Variants in SHLD1 observed in about 807,000 individuals in gnomAD.
SHLD1 encodes the protein shieldin complex subunit 1, also known as RINN1-REV7-interacting novel NHEJ regulator 3.
Under a neutral mutation model 5.5 loss-of-function variants are expected in SHLD1, and 3 were observed. That is an observed-to-expected ratio of 0.54 (90% CI 0.25 to 1.40). The LOEUF is 1.40. Among genes scored for constraint, SHLD1 ranks in the 40% most tolerant of loss-of-function variants. The pLI, the probability that SHLD1 is intolerant of heterozygous loss-of-function variation, is 0.15. For missense variants in SHLD1, 210 were observed against 244.4 expected (o/e 0.86, Z 0.94); for synonymous variants, 92 against 94.3 (o/e 0.98, Z 0.14).
intron 2 of SHLD1, among the ~76,000 whole-genome samples, chr20:5,784,555 A>G (rs1600118663): frequency 6.6e-6 from 1 of 151,852 alleles, no homozygotes; most frequent in East Asian, 1.9e-4. Flanking sequence ...GGTTCACGCC[A>G]TTCTCCTGCC....
At chr20:5,823,309 T>C (rs1011289451) in intron 2 of SHLD1, among the ~76,000 whole-genome samples, 10 of 152,130 alleles carry the variant, frequency 6.6e-5, no homozygotes. Context: ...GTCCCTTTTG[T>C]ATTTTTTTGT....
At chr20:5,800,415 C>T (rs1217414654) in intron 2 of SHLD1, among the ~76,000 whole-genome samples, 3 of 152,100 alleles carry the variant, frequency 2.0e-5, no homozygotes, top group Non-Finnish European at 4.4e-5. Flanking sequence ...TTTATAGGGC[C>T]GGGCGTGGTG....
intron 2 of SHLD1, among the ~76,000 whole-genome samples, chr20:5,793,481 T>C (rs1187991788): frequency 6.6e-6 from 1 of 152,184 alleles, no homozygotes; most frequent in South Asian, 2.1e-4. Context: ...TTTAGATTCC[T>C]ATATAGTCAA....
At chr20:5,752,797 T>G (rs1983838602) in intron 1 of SHLD1, among the ~76,000 whole-genome samples, 1 of 151,810 alleles carries the variant, frequency 6.6e-6, no homozygotes, top group African/African-American at 2.4e-5. Context: ...TGTATTTTGT[T>G]TGTTTGTTTG....
intron 1 of SHLD1, among the ~76,000 whole-genome samples, chr20:5,757,723 C>T (rs1984199522): frequency 6.6e-6 from 1 of 152,010 alleles, no homozygotes; most frequent in Non-Finnish European, 1.5e-5. Context: ...CTGCCTCAGC[C>T]CCCCGAGTAC....
At chr20:5,796,857 G>T (rs544990154) in intron 2 of SHLD1, among the ~76,000 whole-genome samples, 51 of 151,622 alleles carry the variant, frequency 3.4e-4, no homozygotes, top group African/African-American at 4.3e-4. Flanking sequence ...AGGTGGAGAG[G>T]TGAGTTAAAG....
intron 2 of SHLD1, among the ~76,000 whole-genome samples, chr20:5,783,576 G>A (rs4815856): frequency 0.51 from 77,494 of 151,944 alleles, 19,942 homozygotes; most frequent in Non-Finnish European, 0.55. Context: ...TTCAGCTCCA[G>A]AATCGGATTT....
intron 2 of SHLD1, among the ~76,000 whole-genome samples, chr20:5,826,387 G>T (rs923306817): frequency 2.6e-5 from 4 of 151,518 alleles, no homozygotes; most frequent in Non-Finnish European, 5.9e-5. Flanking sequence ...TTGAATGCAA[G>T]GATCCAAATC....
In SHLD1 at chr20:5,826,141, T is replaced by C. The variant is rs4815865; in HGVS notation, c.179-36883T>C. Among the ~76,000 whole-genome samples, 380 of 152,340 alleles carry C rather than the reference T, an allele frequency of 2.5e-3. 2 individuals carry two copies. Among genetic ancestry groups the C allele is most frequent in the Middle Eastern group, 6.8e-3 (2 of 294 alleles). Reference sequence around the variant, plus strand: ...GGTTATTTTTCTGTGCTGTTCAGGTTTTGCTTTTATTTCTCTTTTGTTGGT... The same window carrying C: ...GGTTATTTTTCTGTGCTGTTCAGGTCTTGCTTTTATTTCTCTTTTGTTGGT... On this transcript the variant is annotated intron_variant, in intron 2 of 2. Transcript: ENST00000303142.
intron 2 of SHLD1, among the ~76,000 whole-genome samples, chr20:5,792,905 T>G (rs1258206098): frequency 6.6e-6 from 1 of 151,748 alleles, no homozygotes; most frequent in Non-Finnish European, 1.5e-5. Flanking sequence ...GAACTCCCGA[T>G]GTCAAGTGAT....
chr20:5,858,421 C>T (rs1184246155), intron 2 of SHLD1, among the ~76,000 whole-genome samples: 1 of 152,210 alleles, frequency 6.6e-6, no homozygotes, highest in East Asian at 1.9e-4. Flanking sequence ...AGGCTAATGG[C>T]ATCTCTTGCA....
At chr20:5,823,632 G>C (rs2087633536) in intron 2 of SHLD1, among the ~76,000 whole-genome samples, 1 of 151,890 alleles carries the variant, frequency 6.6e-6, no homozygotes, top group Non-Finnish European at 1.5e-5. Flanking sequence ...ATTTTTAGTA[G>C]AGACAGGGTT....
At chr20:5,853,794 C>T (rs2088043316) in intron 2 of SHLD1, among the ~76,000 whole-genome samples, 1 of 151,726 alleles carries the variant, frequency 6.6e-6, no homozygotes, top group Admixed American at 6.6e-5. Context: ...GCCAGCACTG[C>T]AACCACCTTT....
At chr20:5,831,412 G>C (rs529373956) in intron 2 of SHLD1, among the ~76,000 whole-genome samples, 1 of 152,218 alleles carries the variant, frequency 6.6e-6, no homozygotes, top group South Asian at 2.1e-4. Flanking sequence ...ATAGTTTAGC[G>C]GTTAATACTA....
intron 2 of SHLD1, among the ~76,000 whole-genome samples, chr20:5,833,711 CAG>C (rs755831375): frequency 7.4e-4 from 110 of 149,464 alleles, no homozygotes; most frequent in Non-Finnish European, 1.2e-3. Flanking sequence ...GGGAGAAACA[CAG>C]AGAGAGAGAA....
chr20:5,849,232 G>A (rs2087969137), intron 2 of SHLD1, among the ~76,000 whole-genome samples: 1 of 152,202 alleles, frequency 6.6e-6, no homozygotes, highest in Non-Finnish European at 1.5e-5. Context: ...ACGCAGCAGG[G>A]AAAAGCCAGA....
intron 2 of SHLD1, among the ~76,000 whole-genome samples, chr20:5,853,801 C>G (rs965194523): frequency 5.9e-5 from 9 of 151,412 alleles, no homozygotes; most frequent in African/African-American, 1.9e-4. Flanking sequence ...CTGCAACCAC[C>G]TTTTATTTGC....
At chr20:5,857,210 A>G (rs991265236) in intron 2 of SHLD1, among the ~76,000 whole-genome samples, 1 of 152,210 alleles carries the variant, frequency 6.6e-6, no homozygotes, top group African/African-American at 2.4e-5. Flanking sequence ...TCCTGAGCTC[A>G]GGTGATCCAC....
At chr20:5,854,704 G>A (rs1194642306) in intron 2 of SHLD1, among the ~76,000 whole-genome samples, 1 of 152,122 alleles carries the variant, frequency 6.6e-6, no homozygotes, top group Non-Finnish European at 1.5e-5. Context: ...TCATTTTGAA[G>A]CATATAGTTC....
Sources: allele counts gnomAD v4.1 joint callset (sites outside exome capture counted in the v4.1 genomes callset), GRCh38; gene constraint gnomAD v4.1.1; transcripts MANE v1.5; gene names NCBI Gene and HGNC (gene_info 2026-07-23, HGNC 2026-07-21).